Variants in GIGYF2 observed in about 807,000 individuals in gnomAD.
The protein encoded by GIGYF2 is GRB10-interacting GYF protein 2.
In GIGYF2, 25 loss-of-function variants were observed where a neutral mutation model predicts 208.1. The observed-to-expected ratio is 0.12, with a 90% CI of 0.09 to 0.17. The LOEUF is 0.17. Among genes scored for constraint, GIGYF2 ranks in the 10% least tolerant of loss-of-function variants. The pLI is 1.00. For missense variants in GIGYF2, 1,302 were observed against 1,579.4 expected (o/e 0.82, Z 2.98); for synonymous variants, 534 against 543.8 (o/e 0.98, Z 0.25).
chr2:232,853,862 A>C (rs999968664), intron 28 of GIGYF2, among the ~76,000 whole-genome samples: 1 of 152,234 alleles, frequency 6.6e-6, no homozygotes, highest in Non-Finnish European at 1.5e-5. Context: ...GCATTCAGCC[A>C]AAGGATGAAT....
At chr2:232,749,146 G>T (rs533112093) in intron 5 of GIGYF2, 64 bp downstream of exon 5, 3 of 838,248 alleles carry the variant, frequency 3.6e-6, no homozygotes, top group African/African-American at 3.3e-5. Flanking sequence ...ATGAAAATAG[G>T]AAGTTACTAT....
At chr2:232,789,247 G>A (rs192795536) in intron 9 of GIGYF2, among the ~76,000 whole-genome samples, 4 of 152,166 alleles carry the variant, frequency 2.6e-5, no homozygotes, top group South Asian at 2.1e-4. Context: ...TAGGGCTTCC[G>A]GCTGGATGTG....
intron 3 of GIGYF2, among the ~76,000 whole-genome samples, chr2:232,737,629 C>T (rs1252992764): frequency 6.6e-6 from 1 of 152,124 alleles, no homozygotes; most frequent in African/African-American, 2.4e-5. Context: ...GTATGACGTT[C>T]TTTGTGAAAC....
intron 22 of GIGYF2, among the ~76,000 whole-genome samples, chr2:232,838,993 T>A (rs1701735027): frequency 6.6e-6 from 1 of 152,264 alleles, no homozygotes; most frequent in Non-Finnish European, 1.5e-5. Context: ...CAATATCCAC[T>A]GTTATAGATT....
chr2:232,737,935 TG>T (rs1330956246), intron 3 of GIGYF2, among the ~76,000 whole-genome samples: 1 of 127,598 alleles, frequency 7.8e-6, no homozygotes, highest in African/African-American at 3.1e-5. Context: ...TTTTTTGAGA[TG>T]GAGTCAGCCT....
chr2:232,751,056 G>A (rs1030755135), intron 5 of GIGYF2, among the ~76,000 whole-genome samples: 5 of 152,060 alleles, frequency 3.3e-5, no homozygotes, highest in African/African-American at 1.2e-4. Flanking sequence ...TGAACTCCTG[G>A]CCTCAAGCGA....
chr2:232,826,155 G>A (rs1701240223), intron 21 of GIGYF2, among the ~76,000 whole-genome samples: 1 of 152,092 alleles, frequency 6.6e-6, no homozygotes, highest in Non-Finnish European at 1.5e-5. Flanking sequence ...AATAGTGGCC[G>A]AATAAACATG....
chr2:232,743,621 T>C (rs892590713), intron 3 of GIGYF2, among the ~76,000 whole-genome samples: 18 of 152,176 alleles, frequency 1.2e-4, no homozygotes, highest in Admixed American at 8.5e-4. Flanking sequence ...GTTCATGAGT[T>C]CTCAGGTGGA....
chr2:232,748,732 G>A (rs1698239397), intron 4 of GIGYF2, among the ~76,000 whole-genome samples: 1 of 152,140 alleles, frequency 6.6e-6, no homozygotes, highest in African/African-American at 2.4e-5. Context: ...TTGTGCTCTG[G>A]TATAGCAGAG....
intron 8 of GIGYF2, among the ~76,000 whole-genome samples, chr2:232,762,233 T>TG (rs1258440446): frequency 3.6e-4 from 40 of 109,700 alleles, no homozygotes; most frequent in Non-Finnish European, 7.3e-4. Context: ...TGTCTTTTTT[T>TG]TTTTGTTTTT....
chr2:232,857,440 G>A lies in GIGYF2; in HGVS notation c.*580G>A, dbSNP rs1574962006. The A allele has an allele frequency of 5.9e-6, 1 of 168,612 alleles. No homozygotes were observed. The highest frequency in any genetic ancestry group is 1.7e-4 in the East Asian group (1 of 6,050). 10.4% of individuals were successfully genotyped at this position (168,612 alleles called of 1,614,324 possible). A position where few individuals can be genotyped will look rare whatever the true frequency, so the allele number is the denominator to read the frequency against. ...TGGGATTGCATCAGAGAGGCCCTGA[G>A]TGGGGTTGAGATGAGGTTGGTTTGG... On this transcript the variant is annotated 3_prime_UTR_variant, in exon 29 of 29. Transcript: ENST00000373563.
chr2:232,842,861 CT>C (rs1433888850), intron 23 of GIGYF2: 1 of 152,214 alleles, frequency 6.6e-6, no homozygotes, highest in Non-Finnish European at 1.5e-5. Flanking sequence ...CGGTTTTCTG[CT>C]GTGGTGAGGG....
intron 12 of GIGYF2, among the ~76,000 whole-genome samples, chr2:232,791,946 T>C (rs1024453975): frequency 6.6e-6 from 1 of 152,212 alleles, no homozygotes. Flanking sequence ...TCATACACTT[T>C]ATTAGGCAAT....
At chr2:232,825,632 C>T (rs1051236768) in intron 21 of GIGYF2, among the ~76,000 whole-genome samples, 7 of 152,000 alleles carry the variant, frequency 4.6e-5, no homozygotes, top group Admixed American at 3.9e-4. Flanking sequence ...GTGAAGATGT[C>T]GCGAACATTG....
chr2:232,739,399 C>T (rs1400855809), intron 3 of GIGYF2, among the ~76,000 whole-genome samples: 1 of 121,214 alleles, frequency 8.2e-6, no homozygotes, highest in Non-Finnish European at 1.7e-5. Flanking sequence ...AAGGGTTAGG[C>T]ATGGTGGCTG....
intron 12 of GIGYF2, among the ~76,000 whole-genome samples, chr2:232,794,134 C>G (rs1700151920): frequency 6.6e-6 from 1 of 152,162 alleles, no homozygotes; most frequent in African/African-American, 2.4e-5. Context: ...CTAATTACTT[C>G]CATCCCCCTT....
At chr2:232,785,990 T>C (rs1699896032) in intron 8 of GIGYF2, among the ~76,000 whole-genome samples, 1 of 152,244 alleles carries the variant, frequency 6.6e-6, no homozygotes, top group African/African-American at 2.4e-5. Context: ...TGAGATTTTA[T>C]AAATGTTATG....
At chr2:232,769,094 G>T (rs1699106949) in intron 8 of GIGYF2, among the ~76,000 whole-genome samples, 1 of 152,122 alleles carries the variant, frequency 6.6e-6, no homozygotes, top group Admixed American at 6.5e-5. Context: ...CAAAGTCAAA[G>T]AATTGGTCAT....
In GIGYF2 at chr2:232,711,254, C is replaced by CT. The variant is rs34701447; in HGVS notation, c.-44+7781dup. 3.5e-3 allele frequency among the ~76,000 whole-genome samples: 437 copies of CT among 124,880 alleles called. 1 individual carries two copies. The highest frequency in any genetic ancestry group is 0.01 in the African/African-American group (347 of 33,240). 81.9% of individuals were successfully genotyped at this position (124,880 alleles called of 152,430 possible). On this transcript the variant is annotated intron_variant, in intron 2 of 28. Coordinates refer to ENST00000373563, the MANE Select transcript of GIGYF2 (RefSeq NM_001103146.3). ...AGGCGTGCCACCATGCCTGGCTAAT[C>CT]TTTTTTTTTTTTTTTTGTATTTTTT...
Sources: gnomAD v4.1 joint callset for allele counts (sites outside exome capture counted in the v4.1 genomes callset) on GRCh38, gnomAD v4.1.1 for gene constraint, MANE v1.5 for transcripts, NCBI Gene and HGNC (gene_info 2026-07-23, HGNC 2026-07-21) for gene names.